The following NFAT5 variants were observed in gnomAD, a reference collection of about 807,000 sequenced individuals.
NFAT5 encodes the protein nuclear factor of activated T-cells 5.
NFAT5 carries 31 observed loss-of-function variants against 166.5 expected under a neutral mutation model. The ratio of observed to expected loss-of-function variants is 0.19; its 90% CI spans 0.14 to 0.25. The LOEUF (loss-of-function observed/expected upper bound fraction) is 0.25, where lower values mean the gene tolerates loss of function less well. Among genes scored for constraint, NFAT5 ranks in the 10% least tolerant of loss-of-function variants. The pLI, the probability that NFAT5 is intolerant of heterozygous loss-of-function variation, is 1.00. For missense variants in NFAT5, 1,449 were observed against 1,821.8 expected (o/e 0.80, Z 3.72); for synonymous variants, 612 against 639.7 (o/e 0.96, Z 0.65).
Position 69,566,446 on chromosome 16 carries a change from G to C in NFAT5, c.73+72G>C. 7 of 1,330,056 alleles carry C rather than the reference G, an allele frequency of 5.3e-6. No homozygotes were observed. The highest frequency in any genetic ancestry group is 6.3e-6 in the Non-Finnish European group (6 of 952,748). The allele number at this position is 1,330,056 out of a possible 1,614,324, so 82.4% of individuals were successfully genotyped here. On this transcript the variant is annotated intron_variant, in intron 1 of 14. Coordinates refer to ENST00000349945, the MANE Select transcript of NFAT5 (RefSeq NM_138713.4). This position sits in a 1 kb window ranked among gnomAD's most constrained non-coding sequence, Gnocchi z 5.7. ...AGACAGGGAGACAGGGCCAGGGGAG[G>C]CGAGGGGTCCCCGTCCCGCCGGGGG...
At chr16:69,623,657 A>G (rs970267184) in intron 2 of NFAT5, among the ~76,000 whole-genome samples, 1 of 151,772 alleles carries the variant, frequency 6.6e-6, no homozygotes, top group Admixed American at 6.6e-5. Context: ...ACAGGCATGC[A>G]CCACCATGTC....
chr16:69,693,196 C>T lies in NFAT5; in HGVS notation c.3371C>T (p.Thr1124Ile), dbSNP rs768835823. ...PNPIVHSQTS[T>I]TSSEQMQPPM... ...CCTATTGTCCACAGTCAGACTTCTA[C>T]AACCTCCTCTGAACAAATGCAGCCT... Residue 1124 changes from threonine to isoleucine, a missense_variant, in exon 13 of 15, where the codon ACA (threonine) becomes ATA (isoleucine). Physicochemically the swap from Thr to Ile is moderately conservative, Grantham distance 89. Coordinates refer to ENST00000349945, the MANE Select transcript of NFAT5 (RefSeq NM_138713.4). 6.2e-7 allele frequency: 1 copy of T among 1,614,180 alleles called. No homozygotes were observed. The highest frequency in any genetic ancestry group is 1.1e-5 in the South Asian group (1 of 91,082).
chr16:69,614,186 T>G (rs1285620330), intron 2 of NFAT5, among the ~76,000 whole-genome samples: 1 of 151,958 alleles, frequency 6.6e-6, no homozygotes, highest in Non-Finnish European at 1.5e-5. Context: ...GACAAGGTCT[T>G]GCTCTGTCAC....
At position 69,697,241 on chromosome 16, in the gene NFAT5, T is replaced by C. The variant is rs1301130982; in HGVS notation, c.*890T>C. ...TTTTCACCTCTTTTTCACTTTACTTTAGAGAACTATTAATATACTACTGGC... is the reference window on the plus strand; with the variant it reads ...TTTTCACCTCTTTTTCACTTTACTTCAGAGAACTATTAATATACTACTGGC... On this transcript the variant is annotated 3_prime_UTR_variant, in exon 15 of 15. Transcript: ENST00000349945. 1 of 152,478 alleles carries C rather than the reference T, an allele frequency of 6.6e-6. No homozygotes were observed. Among genetic ancestry groups the C allele is most frequent in the South Asian group, 2.1e-4 (1 of 4,832 alleles). The allele number at this position is 152,478 out of a possible 1,614,324, so 9.4% of individuals were successfully genotyped here.
intron 2 of NFAT5, among the ~76,000 whole-genome samples, chr16:69,600,101 T>A (rs1384104306): frequency 6.6e-6 from 1 of 151,542 alleles, no homozygotes; most frequent in Non-Finnish European, 1.5e-5. Context: ...AGTGGTGGAA[T>A]TCTCGATTAG....
At chr16:69,588,243 C>G (rs1453982890) in intron 2 of NFAT5, among the ~76,000 whole-genome samples, 1 of 152,106 alleles carries the variant, frequency 6.6e-6, no homozygotes, top group Admixed American at 6.6e-5. Flanking sequence ...AGCCTCTGCA[C>G]CTGGCCGCAT....
At chr16:69,610,356 TA>T (rs1338234343) in intron 2 of NFAT5, among the ~76,000 whole-genome samples, 1 of 152,210 alleles carries the variant, frequency 6.6e-6, no homozygotes, top group East Asian at 1.9e-4. Flanking sequence ...GTTTGTCTAA[TA>T]TTTTTGTTTT....
At chr16:69,694,728 A>G (rs553232616) in intron 13 of NFAT5, among the ~76,000 whole-genome samples, 2 of 152,358 alleles carry the variant, frequency 1.3e-5, no homozygotes, top group Admixed American at 6.5e-5. Context: ...ATGTATAAAA[A>G]TGTGTGTTTG....
intron 2 of NFAT5, among the ~76,000 whole-genome samples, chr16:69,622,027 G>A (rs1197113936): frequency 6.6e-6 from 1 of 152,120 alleles, no homozygotes; most frequent in Non-Finnish European, 1.5e-5. Context: ...TTCTTTCATT[G>A]GCTAGTGGAG....
At chr16:69,673,106 A>C (rs1375980796) in intron 9 of NFAT5, among the ~76,000 whole-genome samples, 1 of 152,084 alleles carries the variant, frequency 6.6e-6, no homozygotes, top group Non-Finnish European at 1.5e-5. Flanking sequence ...CAGCTACAGT[A>C]GGTTAAAGAA....
At position 69,647,390 on chromosome 16, in the gene NFAT5, A is replaced by G. The variant is rs1191976931; in HGVS notation, c.616A>G (p.Thr206Ala). 1 of 1,614,036 alleles carries G rather than the reference A, an allele frequency of 6.2e-7. No homozygotes were observed. Among genetic ancestry groups the G allele is most frequent in the African/African-American group, 1.3e-5 (1 of 74,920 alleles). Residue 206 changes from threonine to alanine, a missense_variant, in exon 4 of 15, where the codon ACC (threonine) becomes GCC (alanine). Thr to Ala is a moderately conservative substitution (Grantham distance 58). Around this residue, in one of 7 missense-constraint regions of NFAT5, gnomAD observed 115 missense variants for 177.1 expected, o/e 0.65. Coordinates refer to ENST00000349945, the MANE Select transcript of NFAT5 (RefSeq NM_138713.4). The surrounding 1 kb of genome is among the most constrained non-coding windows in gnomAD (Gnocchi z 4.8). ...DSPSNFSNMS[T>A]SSYNDNTEVP... Reference sequence around the variant, plus strand: ...CCCCTCCAACTTCAGTAACATGAGCACCAGTTCCTACAATGATAACACTGA... The same window carrying G: ...CCCCTCCAACTTCAGTAACATGAGCGCCAGTTCCTACAATGATAACACTGA...
rs967670187 is a variant in NFAT5 at position 69,704,130 on chromosome 16, C to G, written c.*7779C>G. On this transcript the variant is annotated 3_prime_UTR_variant, in exon 15 of 15. Transcript: ENST00000349945. ...GAAGTCATTGTGACTTGAGTAGTTA[C>G]AGACTGATTCCAGTGAACTTGATCT... The G allele has an allele frequency of 6.5e-6, 1 of 152,728 alleles. No homozygotes were observed. The allele number at this position is 152,728 out of a possible 1,614,324, so 9.5% of individuals were successfully genotyped here. A position where few individuals can be genotyped will look rare whatever the true frequency, so the allele number is the denominator to read the frequency against.
At chr16:69,677,063 G>A in intron 9 of NFAT5, 140 bp from the exon 10 acceptor site, 1 of 772,700 alleles carries the variant, frequency 1.3e-6, no homozygotes, top group Non-Finnish European at 2.0e-6. Context: ...CCTGATGCCT[G>A]TGAACCTGAG....
Position 69,588,345 on chromosome 16 carries a change from C to T in NFAT5, c.127+19797C>T, listed in dbSNP as rs771483333. Among the ~76,000 whole-genome samples the T allele has an allele frequency of 1.4e-4, 21 of 152,202 alleles. 1 individual carries two copies. Among genetic ancestry groups the T allele is most frequent in the Admixed American group, 6.5e-5 (1 of 15,274 alleles). On this transcript the variant is annotated intron_variant, in intron 2 of 14. Transcript: ENST00000349945. Reference sequence around the variant, plus strand: ...TTTTCTAATTATAAAAACCAACTAACTCCTGAGAATACTTAAGACAAGGTC... The same window carrying T: ...TTTTCTAATTATAAAAACCAACTAATTCCTGAGAATACTTAAGACAAGGTC...
chr16:69,658,616 C>T (rs2035993057), intron 6 of NFAT5, among the ~76,000 whole-genome samples: 1 of 151,984 alleles, frequency 6.6e-6, no homozygotes, highest in Non-Finnish European at 1.5e-5. Context: ...ATCTCTTGAG[C>T]CAGGAGTTCG....
intron 3 of NFAT5, among the ~76,000 whole-genome samples, chr16:69,628,734 G>T (rs1273882488): frequency 6.6e-6 from 1 of 152,094 alleles, no homozygotes; most frequent in African/African-American, 2.4e-5. Context: ...GATGTCTAGG[G>T]AAAGGCATAT....
intron 3 of NFAT5, among the ~76,000 whole-genome samples, chr16:69,631,003 T>C (rs1219985524): frequency 2.0e-5 from 3 of 152,238 alleles, no homozygotes; most frequent in Admixed American, 6.5e-5. Flanking sequence ...TTTCTTGTTC[T>C]ATTCTACACT....
rs192228921 is a variant in NFAT5, at chr16:69,610,364, T to G, written c.128-16039T>G. On this transcript the variant is annotated intron_variant, in intron 2 of 14. Coordinates refer to ENST00000349945, the MANE Select transcript of NFAT5 (RefSeq NM_138713.4). ...GGTTTTTGTTTGTCTAATATTTTTG[T>G]TTTTCATCTCTAAGATTATGGTATA... Among the ~76,000 whole-genome samples, 246 of 152,300 alleles carry G rather than the reference T, an allele frequency of 1.6e-3. 4 individuals are homozygous for G. Among genetic ancestry groups the G allele is most frequent in the African/African-American group, 5.5e-3 (227 of 41,572 alleles).
chr16:69,568,956 A>G (rs939347617), intron 2 of NFAT5, among the ~76,000 whole-genome samples: 2 of 152,240 alleles, frequency 1.3e-5, no homozygotes, highest in Non-Finnish European at 2.9e-5. Flanking sequence ...GAGCATTTCA[A>G]AATATGTTAA....
Sources: allele counts gnomAD v4.1 joint callset (sites outside exome capture counted in the v4.1 genomes callset), GRCh38; gene constraint gnomAD v4.1.1; regional missense constraint gnomAD v4.1.1; non-coding constraint Gnocchi (gnomAD v3.1); transcripts MANE v1.5; gene names NCBI Gene and HGNC (gene_info 2026-07-23, HGNC 2026-07-21).